DLG2: variants seen among roughly 807,000 people sequenced by gnomAD.
DLG2 encodes disks large homolog 2.
Under a neutral mutation model 132.5 loss-of-function variants are expected in DLG2, and 45 were observed. The ratio of observed to expected loss-of-function variants is 0.34; its 90% CI spans 0.27 to 0.44. DLG2 has a LOEUF of 0.44. Ranked by LOEUF, DLG2 falls within the 20% of genes least tolerant of loss-of-function variation. DLG2 has a pLI of 1.00. For missense variants in DLG2, 1,045 were observed against 1,196.9 expected, an observed-to-expected ratio of 0.87 and a Z score of 1.87; for synonymous variants, 424 against 419.6, an observed-to-expected ratio of 1.01 and a Z score of -0.13.
At chr11:83,680,027 G>T (rs531145758) in intron 18 of DLG2, among the ~76,000 whole-genome samples, 1 of 152,222 alleles carries the variant, frequency 6.6e-6, no homozygotes, top group East Asian at 1.9e-4. Context: ...GAGAGACATG[G>T]TTTTGTGTGT....
At chr11:85,041,306 A>G (rs2061844404) in intron 6 of DLG2, among the ~76,000 whole-genome samples, 1 of 151,982 alleles carries the variant, frequency 6.6e-6, no homozygotes, top group South Asian at 2.1e-4. Context: ...GTGAGAAGAT[A>G]CTTATGAAAA....
chr11:85,310,900 T>A (rs2080272704), intron 3 of DLG2, among the ~76,000 whole-genome samples: 1 of 152,186 alleles, frequency 6.6e-6, no homozygotes. Flanking sequence ...AATATCTGCT[T>A]TTTAGCCTTA....
intron 6 of DLG2, among the ~76,000 whole-genome samples, chr11:84,976,792 A>G (rs1175879737): frequency 1.3e-5 from 2 of 152,142 alleles, no homozygotes; most frequent in African/African-American, 4.8e-5. Flanking sequence ...TGCATTATGA[A>G]TTCTACTACT....
intron 19 of DLG2, among the ~76,000 whole-genome samples, chr11:83,555,479 G>A (rs143819939): frequency 1.5e-3 from 236 of 152,266 alleles, no homozygotes; most frequent in African/African-American, 5.4e-3. Context: ...ATGATGGTTT[G>A]GGTACAGTGG....
chr11:84,649,929 G>A (rs1359747909), intron 6 of DLG2, among the ~76,000 whole-genome samples: 2 of 152,184 alleles, frequency 1.3e-5, no homozygotes, highest in East Asian at 3.9e-4. Flanking sequence ...ACTCTAGGAA[G>A]TTCCCTTGTC....
intron 7 of DLG2, among the ~76,000 whole-genome samples, chr11:84,442,363 G>C (rs1208281694): frequency 1.3e-5 from 2 of 151,976 alleles, no homozygotes; most frequent in African/African-American, 4.8e-5. Flanking sequence ...TCCATAAAAA[G>C]GATGAATTCA....
intron 9 of DLG2, among the ~76,000 whole-genome samples, chr11:84,159,817 G>C (rs1332635084): frequency 6.6e-6 from 1 of 152,142 alleles, no homozygotes; most frequent in Non-Finnish European, 1.5e-5. Context: ...AGCAGAGCAG[G>C]TGGTAAGATC....
At chr11:84,997,959 TAA>T (rs1206065748) in intron 6 of DLG2, among the ~76,000 whole-genome samples, 1 of 152,194 alleles carries the variant, frequency 6.6e-6, no homozygotes, top group Admixed American at 6.5e-5. Context: ...GTCATGAGTT[TAA>T]AGACACCTGT....
In DLG2 at chr11:85,039,762, T is replaced by C. The variant is rs367929423; in HGVS notation, c.357+71899A>G. On this transcript the variant is annotated intron_variant, in intron 6 of 27. Transcript: ENST00000376104. The stretch of plus-strand genomic sequence containing the variant: ...TCACCTTACTCTCTCATTTTATTGA[T>C]ACACTATAAGCCCCTTGATGGTATA... 9.8e-4 allele frequency among the ~76,000 whole-genome samples: 149 copies of C among 152,094 alleles called. 1 individual carries two copies. The South Asian group carries it at 0.03, about 30-fold the overall frequency.
intron 6 of DLG2, among the ~76,000 whole-genome samples, chr11:84,896,860 T>C (rs867234203): frequency 6.6e-6 from 1 of 151,886 alleles, no homozygotes. Context: ...CAAGTATGTA[T>C]GTATGCATAG....
chr11:83,805,817 T>C (rs753006909), intron 17 of DLG2, among the ~76,000 whole-genome samples: 7 of 152,178 alleles, frequency 4.6e-5, no homozygotes, highest in Non-Finnish European at 7.4e-5. Flanking sequence ...GATACTTCTC[T>C]GATATGAGGG....
Position 83,965,485 on chromosome 11 carries a change from G to C in DLG2, c.1057-17C>G. On this transcript the variant is annotated splice_polypyrimidine_tract_variant and intron_variant, in intron 12 of 27. Coordinates refer to ENST00000376104, the MANE Select transcript of DLG2 (RefSeq NM_001142699.3). The stretch of plus-strand genomic sequence containing the variant: ...GTTGTTTACCTGAAAGGGTGAAAAA[G>C]ATCAATATTAGAGTTAAATCTATGG... 2 of 1,588,604 alleles carry C rather than the reference G, an allele frequency of 1.3e-6. No homozygotes were observed. The highest frequency in any genetic ancestry group is 1.1e-5 in the South Asian group (1 of 87,366).
Position 84,844,501 on chromosome 11 carries a change from A to G in DLG2, c.357+267160T>C, listed in dbSNP as rs190003633. 9.2e-5 allele frequency among the ~76,000 whole-genome samples: 14 copies of G among 151,788 alleles called. 1 individual carries two copies. In the East Asian group the frequency reaches 2.7e-3, roughly 30 times the overall value. ...CCTGTATTCTCTCTGGATCATTTCT[A>G]TCTCTACCTCTTCCTCACTTTTCTC... On this transcript the variant is annotated intron_variant, in intron 6 of 27. Transcript: ENST00000376104.
At chr11:84,443,609 T>C (rs1320179544) in intron 7 of DLG2, among the ~76,000 whole-genome samples, 1 of 152,208 alleles carries the variant, frequency 6.6e-6, no homozygotes, top group Non-Finnish European at 1.5e-5. Flanking sequence ...TAATATATAA[T>C]GTTAACTCTT....
In DLG2 at chr11:83,846,940, C is replaced by CAAAA. The variant is rs1565319397; in HGVS notation, c.1566-13171_1566-13170insTTTT. On this transcript the variant is annotated intron_variant, in intron 16 of 27. Coordinates refer to ENST00000376104, the MANE Select transcript of DLG2 (RefSeq NM_001142699.3). ...TACCTTCTAATCATTATCTCCCAAG[C>CAAAA]CAAAAAAAAAAAAAAAAAAAGGATT... Among the ~76,000 whole-genome samples the CAAAA allele has an allele frequency of 4.0e-3, 233 of 58,064 alleles. 15 individuals are homozygous for CAAAA. The highest frequency in any genetic ancestry group is 0.013 in the South Asian group (14 of 1,116). The allele number at this position is 58,064 out of a possible 152,430, so 38.1% of individuals were successfully genotyped here. A position where few individuals can be genotyped will look rare whatever the true frequency, so the allele number is the denominator to read the frequency against.
At chr11:84,993,562 T>G (rs745382735) in intron 6 of DLG2, among the ~76,000 whole-genome samples, 3 of 152,150 alleles carry the variant, frequency 2.0e-5, no homozygotes, top group Non-Finnish European at 2.9e-5. Flanking sequence ...GGCTTAAGAC[T>G]GTCCTTTGTC....
intron 8 of DLG2, among the ~76,000 whole-genome samples, chr11:84,239,243 T>A (rs1201191078): frequency 6.6e-6 from 1 of 151,346 alleles, no homozygotes; most frequent in Non-Finnish European, 1.5e-5. Context: ...TGTAGGGGTG[T>A]GATCTCGGCT....
intron 15 of DLG2, among the ~76,000 whole-genome samples, chr11:83,917,303 G>A (rs921074257): frequency 6.6e-6 from 1 of 152,138 alleles, no homozygotes; most frequent in African/African-American, 2.4e-5. Context: ...CTTTTACAGA[G>A]TCAATCAGAG....
At chr11:84,441,416 G>A (rs920630128) in intron 7 of DLG2, among the ~76,000 whole-genome samples, 1 of 152,072 alleles carries the variant, frequency 6.6e-6, no homozygotes, top group East Asian at 1.9e-4. Flanking sequence ...GGTTCTCCAA[G>A]CGATTAGCTG....
Sources: gnomAD v4.1 joint callset for allele counts (sites outside exome capture counted in the v4.1 genomes callset) on GRCh38, gnomAD v4.1.1 for gene constraint, MANE v1.5 for transcripts, NCBI Gene and HGNC (gene_info 2026-07-23, HGNC 2026-07-21) for gene names.